Variants in SUCLG2 observed in about 807,000 individuals in gnomAD.
SUCLG2 encodes succinate--CoA ligase [GDP-forming] subunit beta, mitochondrial.
In SUCLG2, 42 loss-of-function variants were observed where a neutral mutation model predicts 47.9. The observed-to-expected ratio is 0.88, with a 90% CI of 0.69 to 1.14. The LOEUF is 1.14. SUCLG2 is among the 50% of genes most tolerant of loss of function. The pLI is 0.00. For synonymous variants in SUCLG2, 195 were observed against 197.3 expected, an observed-to-expected ratio of 0.99 and a Z score of 0.10; for missense variants, 571 against 525.9, an observed-to-expected ratio of 1.09 and a Z score of -0.84.
chr3:67,452,869 C>G (rs1704088533), intron 9 of SUCLG2, among the ~76,000 whole-genome samples: 1 of 152,186 alleles, frequency 6.6e-6, no homozygotes, highest in African/African-American at 2.4e-5. Flanking sequence ...TTTTGCAGAT[C>G]TTGGTAACAC....
intron 3 of SUCLG2, among the ~76,000 whole-genome samples, chr3:67,528,526 T>C (rs1000468343): frequency 2.0e-5 from 3 of 152,116 alleles, no homozygotes; most frequent in Non-Finnish European, 4.4e-5. Flanking sequence ...CAGATAAGGG[T>C]TGACTGAAGA....
intron 9 of SUCLG2, among the ~76,000 whole-genome samples, chr3:67,408,172 G>C (rs758224735): frequency 2.6e-5 from 4 of 151,996 alleles, no homozygotes; most frequent in Non-Finnish European, 4.4e-5. Flanking sequence ...TTCTACCTTT[G>C]GTATATTCTT....
At chr3:67,650,663 A>G (rs1701270058) in intron 1 of SUCLG2, among the ~76,000 whole-genome samples, 1 of 152,190 alleles carries the variant, frequency 6.6e-6, no homozygotes, top group Admixed American at 6.5e-5. Flanking sequence ...AAGCCGAGGC[A>G]GGAGAATCGC....
At chr3:67,566,147 T>A (rs1707448999) in intron 2 of SUCLG2, among the ~76,000 whole-genome samples, 3 of 152,234 alleles carry the variant, frequency 2.0e-5, no homozygotes, top group Non-Finnish European at 2.9e-5. Context: ...AGGCAGCTGA[T>A]GAGCCTTTCT....
At chr3:67,471,371 T>C (rs1276209494) in intron 9 of SUCLG2, among the ~76,000 whole-genome samples, 1 of 152,204 alleles carries the variant, frequency 6.6e-6, no homozygotes, top group Non-Finnish European at 1.5e-5. Context: ...TAAGACAGAA[T>C]AACTGGGTTG....
intron 9 of SUCLG2, among the ~76,000 whole-genome samples, chr3:67,457,524 T>A (rs893451701): frequency 2.0e-5 from 3 of 152,094 alleles, no homozygotes; most frequent in African/African-American, 4.8e-5. Context: ...ATTAAAGGAA[T>A]TTATTCTACC....
intron 2 of SUCLG2, among the ~76,000 whole-genome samples, chr3:67,577,560 T>C (rs1470644775): frequency 6.6e-6 from 1 of 152,156 alleles, no homozygotes; most frequent in Non-Finnish European, 1.5e-5. Context: ...AATAAAAGAC[T>C]TTTCATATTA....
intron 9 of SUCLG2, among the ~76,000 whole-genome samples, chr3:67,476,370 G>A (rs1250516892): frequency 2.0e-5 from 3 of 152,010 alleles, no homozygotes; most frequent in African/African-American, 7.2e-5. Flanking sequence ...ATTGTGAACT[G>A]TGCATGTGAG....
intron 1 of SUCLG2, 129 bp downstream of exon 1, chr3:67,654,374 C>A (rs1168033130): frequency 2.9e-6 from 2 of 699,736 alleles, no homozygotes; most frequent in Non-Finnish European, 4.0e-6. Context: ...CGCCGCGTCA[C>A]CTCCCGAAGT....
intron 2 of SUCLG2, among the ~76,000 whole-genome samples, chr3:67,575,678 C>T (rs577646583): frequency 1.5e-4 from 23 of 152,278 alleles, no homozygotes; most frequent in African/African-American, 5.3e-4. Context: ...GATACATAAA[C>T]TGCATTTCTA....
chr3:67,408,932 C>G, intron 9 of SUCLG2: 1 of 1,530,698 alleles, frequency 6.5e-7, no homozygotes, highest in South Asian at 1.2e-5. Flanking sequence ...CAAGATGAGT[C>G]AGGAGTTCCA....
chr3:67,532,839 C>A (rs1033678961), intron 2 of SUCLG2, among the ~76,000 whole-genome samples: 1 of 152,076 alleles, frequency 6.6e-6, no homozygotes, highest in Non-Finnish European at 1.5e-5. Context: ...TATAACAATG[C>A]TTTTACAAAT....
At chr3:67,552,182 A>G (rs1707032973) in intron 2 of SUCLG2, among the ~76,000 whole-genome samples, 1 of 151,572 alleles carries the variant, frequency 6.6e-6, no homozygotes, top group African/African-American at 2.4e-5. Context: ...CAAAAAAAAA[A>G]AAAAAAAAAA....
At chr3:67,589,820 G>A (rs1164031516) in intron 2 of SUCLG2, among the ~76,000 whole-genome samples, 1 of 152,168 alleles carries the variant, frequency 6.6e-6, no homozygotes, top group Non-Finnish European at 1.5e-5. Context: ...CTAGGGGGAG[G>A]TAATCCCTAA....
At chr3:67,596,584 C>T (rs1211511604) in intron 2 of SUCLG2, among the ~76,000 whole-genome samples, 1 of 152,154 alleles carries the variant, frequency 6.6e-6, no homozygotes, top group Non-Finnish European at 1.5e-5. Context: ...ACTCCTGTAT[C>T]CCTATGAGTT....
intron 9 of SUCLG2, among the ~76,000 whole-genome samples, chr3:67,426,904 C>T (rs556792024): frequency 3.3e-5 from 5 of 151,832 alleles, no homozygotes; most frequent in Non-Finnish European, 7.4e-5. Flanking sequence ...TCCAACCTGG[C>T]GACAGAGCAA....
At chr3:67,384,871 G>A (rs1319326764) in intron 10 of SUCLG2, among the ~76,000 whole-genome samples, 1 of 152,202 alleles carries the variant, frequency 6.6e-6, no homozygotes, top group East Asian at 1.9e-4. Flanking sequence ...TGCCAATAAA[G>A]AGAAGGTGGC....
At chr3:67,563,055 ATT>A (rs1268044459) in intron 2 of SUCLG2, among the ~76,000 whole-genome samples, 1 of 149,878 alleles carries the variant, frequency 6.7e-6, no homozygotes. Flanking sequence ...TTTACATTCT[ATT>A]TATTATTTTA....
chr3:67,372,680 T>G (rs1701970617), downstream of SUCLG2, among the ~76,000 whole-genome samples: 1 of 152,228 alleles, frequency 6.6e-6, no homozygotes, highest in Non-Finnish European at 1.5e-5. Context: ...GTAGACTTTT[T>G]GTAGCTCTCA....
Sources: gnomAD v4.1 joint callset for allele counts (sites outside exome capture counted in the v4.1 genomes callset) on GRCh38, gnomAD v4.1.1 for gene constraint, MANE v1.5 for transcripts, NCBI Gene and HGNC (gene_info 2026-07-23, HGNC 2026-07-21) for gene names.